ASB3: variants seen among roughly 807,000 people sequenced by gnomAD.
The protein encoded by ASB3 is ankyrin repeat and SOCS box protein 3.
A neutral mutation model predicts 54.5 loss-of-function variants in ASB3; 41 were observed. The observed-to-expected ratio is 0.75, with a 90% confidence interval of 0.59 to 0.98. The LOEUF is 0.98. Among genes scored for constraint, ASB3 ranks in the 50% least tolerant of loss-of-function variants. The pLI is 0.00. For synonymous variants in ASB3, 266 were observed against 221.2 expected, an observed-to-expected ratio of 1.20 and a Z score of -1.80; for missense variants, 733 against 620.0, an observed-to-expected ratio of 1.18 and a Z score of -1.94.
At chr2:53,747,011 G>A (rs1672263490) in intron 3 of ASB3, among the ~76,000 whole-genome samples, 1 of 151,940 alleles carries the variant, frequency 6.6e-6, no homozygotes, top group East Asian at 1.9e-4. Flanking sequence ...CCCATCCCTT[G>A]CTTCATTAAC....
intron 9 of ASB3, among the ~76,000 whole-genome samples, chr2:53,672,401 G>C (rs1238818282): frequency 6.6e-6 from 1 of 152,082 alleles, no homozygotes; most frequent in Non-Finnish European, 1.5e-5. Flanking sequence ...ATGAAAGATG[G>C]GAAGACACAG....
chr2:53,785,537 T>C (rs1674911539), intron 1 of ASB3, among the ~76,000 whole-genome samples: 2 of 152,222 alleles, frequency 1.3e-5, no homozygotes, highest in Non-Finnish European at 2.9e-5. Flanking sequence ...ACCCATTTAT[T>C]TGGCATTTTA....
At chr2:53,678,648 T>G (rs964038029) in intron 9 of ASB3, among the ~76,000 whole-genome samples, 1 of 152,100 alleles carries the variant, frequency 6.6e-6, no homozygotes, top group Non-Finnish European at 1.5e-5. Context: ...CCCCTACGGA[T>G]ATGTAGGTAC....
At chr2:53,777,047 A>G (rs989721520) in intron 1 of ASB3, among the ~76,000 whole-genome samples, 1 of 152,056 alleles carries the variant, frequency 6.6e-6, no homozygotes, top group Non-Finnish European at 1.5e-5. Context: ...ACTATATTTC[A>G]GTTTCATTTT....
chr2:53,727,553 T>C (rs1427030892), intron 5 of ASB3, among the ~76,000 whole-genome samples: 1 of 152,282 alleles, frequency 6.6e-6, no homozygotes, highest in Admixed American at 6.5e-5. Context: ...GCAAAATCGC[T>C]GGAGGTCAGG....
intron 2 of ASB3, among the ~76,000 whole-genome samples, chr2:53,753,045 T>TA (rs889676843): frequency 3.2e-4 from 47 of 146,890 alleles, no homozygotes; most frequent in Middle Eastern, 3.5e-3. Context: ...GTACGCAATT[T>TA]AAAAAAAAAA....
chr2:53,782,832 G>C (rs568562752), intron 1 of ASB3, among the ~76,000 whole-genome samples: 4 of 151,944 alleles, frequency 2.6e-5, no homozygotes, highest in Non-Finnish European at 5.9e-5. Context: ...TGTCATCCAG[G>C]CTGGAGTGCA....
chr2:53,726,321 C>T (rs1326416294), intron 5 of ASB3, among the ~76,000 whole-genome samples: 2 of 147,158 alleles, frequency 1.4e-5, no homozygotes, highest in East Asian at 2.0e-4. Flanking sequence ...AGTGCAGAGG[C>T]GCGATCTAGG....
intron 7 of ASB3, among the ~76,000 whole-genome samples, chr2:53,701,982 A>C (rs544785174): frequency 1.3e-5 from 2 of 152,338 alleles, no homozygotes; most frequent in African/African-American, 4.8e-5. Context: ...AGCCCTCTAC[A>C]AAAGAAACAT....
chr2:53,723,832 T>A (rs1670844202), intron 5 of ASB3, among the ~76,000 whole-genome samples: 1 of 151,944 alleles, frequency 6.6e-6, no homozygotes, highest in Non-Finnish European at 1.5e-5. Context: ...AAGCAATGAG[T>A]TAGAGACTCC....
chr2:53,767,804 AC>A, intron 1 of ASB3: 1 of 1,514,714 alleles, frequency 6.6e-7, no homozygotes. Context: ...GCGGCCGGTT[AC>A]TCGCTTACCG....
chr2:53,767,916 C>A (rs1367554387), intron 1 of ASB3: 1 of 1,613,688 alleles, frequency 6.2e-7, no homozygotes, highest in Non-Finnish European at 8.5e-7. Flanking sequence ...GGTCCCTGAT[C>A]TGGAAGGTGG....
chr2:53,710,198 C>T (rs949816139), intron 7 of ASB3, among the ~76,000 whole-genome samples: 35 of 152,220 alleles, frequency 2.3e-4, no homozygotes, highest in African/African-American at 7.7e-4. Context: ...CCAGTCTGCA[C>T]GCTCCAGCTG....
intron 9 of ASB3, among the ~76,000 whole-genome samples, chr2:53,671,367 T>TGTGTGTGTGTGTGTGA (rs1441142544): frequency 1.0e-4 from 15 of 148,528 alleles, no homozygotes; most frequent in Non-Finnish European, 1.9e-4. Context: ...TGTGTGTGTG[T>TGTGTGTGTGTGTGTGA]GTGTGTGTGT....
chr2:53,714,295 T>C (rs910018143), intron 7 of ASB3, 89 bp downstream of exon 7: 18 of 1,487,578 alleles, frequency 1.2e-5, no homozygotes, highest in South Asian at 8.1e-5. Flanking sequence ...ACAGAGATAC[T>C]AAGTTTCATC....
intron 3 of ASB3, among the ~76,000 whole-genome samples, chr2:53,734,135 T>C (rs975304088): frequency 2.0e-5 from 3 of 152,208 alleles, no homozygotes; most frequent in Non-Finnish European, 2.9e-5. Flanking sequence ...GTTATGGCCA[T>C]CACAAACATG....
chr2:53,683,577 T>C (rs1367229779), intron 9 of ASB3, among the ~76,000 whole-genome samples: 1 of 152,172 alleles, frequency 6.6e-6, no homozygotes, highest in African/African-American at 2.4e-5. Flanking sequence ...AAATATTTGG[T>C]AAAATTCAGC....
chr2:53,774,222 A>C, intron 1 of ASB3: 1 of 1,614,052 alleles, frequency 6.2e-7, no homozygotes, highest in Non-Finnish European at 8.5e-7. Flanking sequence ...TCAGAGAAAA[A>C]GGAGGCTACA....
intron 3 of ASB3, among the ~76,000 whole-genome samples, chr2:53,742,589 T>TA (rs373702069): frequency 1.3e-5 from 2 of 151,440 alleles, no homozygotes; most frequent in African/African-American, 2.4e-5. Context: ...AAGTGCTCAG[T>TA]AAAAAAATGG....
Sources: allele counts gnomAD v4.1 joint callset (sites outside exome capture counted in the v4.1 genomes callset), GRCh38; gene constraint gnomAD v4.1.1; transcripts MANE v1.5; gene names NCBI Gene and HGNC (gene_info 2026-07-23, HGNC 2026-07-21).